The following ITIH5 variants were observed in gnomAD, a reference collection of about 807,000 sequenced individuals.
ITIH5 encodes inter-alpha-trypsin inhibitor heavy chain H5.
A neutral mutation model predicts 77.5 loss-of-function variants in ITIH5; 65 were observed. The observed-to-expected ratio is 0.84, with a 90% CI of 0.69 to 1.03. The LOEUF (loss-of-function observed/expected upper bound fraction) is 1.03. ITIH5 is among the 50% of genes least tolerant of loss of function. The probability of loss-of-function intolerance (pLI) is 0.00; values close to 1 mark genes in which losing one functional copy is unlikely to be tolerated. For synonymous variants in ITIH5, 525 were observed against 494.3 expected, an observed-to-expected ratio of 1.06 and a Z score of -0.82; for missense variants, 1,208 against 1,213.1, an observed-to-expected ratio of 1.00 and a Z score of 0.06.
chr10:7,565,478 T>C (rs1193468083), intron 13 of ITIH5, among the ~76,000 whole-genome samples: 1 of 150,452 alleles, frequency 6.6e-6, no homozygotes, highest in Non-Finnish European at 1.5e-5. Context: ...TATGTACATA[T>C]ACAGACTGAT....
chr10:7,627,429 T>A (rs1053299485), intron 5 of ITIH5, among the ~76,000 whole-genome samples: 7 of 152,144 alleles, frequency 4.6e-5, no homozygotes, highest in African/African-American at 1.7e-4. Context: ...TCGAGGGGAC[T>A]TGACCTTGCG....
intron 7 of ITIH5, among the ~76,000 whole-genome samples, chr10:7,597,636 G>C (rs4749054): frequency 0.23 from 26,850 of 114,690 alleles, 3,144 homozygotes; most frequent in Middle Eastern, 0.36. Context: ...CTGTACCCCA[G>C]AGACACCCGT....
intron 7 of ITIH5, among the ~76,000 whole-genome samples, chr10:7,594,101 A>G (rs1588384052): frequency 6.6e-6 from 1 of 152,254 alleles, no homozygotes; most frequent in Non-Finnish European, 1.5e-5. Context: ...AGAACAGGGT[A>G]AGCACATTCC....
intron 7 of ITIH5, among the ~76,000 whole-genome samples, chr10:7,602,176 C>T (rs1183164585): frequency 2.0e-5 from 3 of 152,100 alleles, no homozygotes; most frequent in Non-Finnish European, 2.9e-5. Flanking sequence ...TTTGGCCTTT[C>T]ATCCTCCCTC....
chr10:7,576,630 G>A lies in ITIH5; in HGVS notation c.1801C>T (p.Leu601=), dbSNP rs1295886974. 2 of 1,614,058 alleles carry A rather than the reference G, an allele frequency of 1.2e-6. No individual in the cohort carries two copies. The highest frequency in any genetic ancestry group is 2.7e-5 in the African/African-American group (2 of 74,952). The change falls in exon 10 of 14, where the codon CTG becomes TTG. Residue 601 remains leucine, a synonymous_variant. Coordinates refer to ENST00000397146, the MANE Select transcript of ITIH5 (RefSeq NM_030569.7). ...GCCAGGGCCTGGGCCCGCTGCCGCA[G>A]CCGCTCCTTCTCCGGTTCATCGTCA... ...QSDDEPEKER[L]RQRAQALAVS... is the part of the protein sequence containing the mutation.
chr10:7,628,530 G>A (rs1194822604), intron 5 of ITIH5, among the ~76,000 whole-genome samples: 1 of 109,844 alleles, frequency 9.1e-6, no homozygotes, highest in Non-Finnish European at 2.4e-5. Flanking sequence ...GTGCATTGTG[G>A]CATGTGTCCA....
intron 7 of ITIH5, among the ~76,000 whole-genome samples, chr10:7,614,117 T>G (rs960916721): frequency 1.3e-5 from 2 of 152,058 alleles, no homozygotes; most frequent in African/African-American, 2.4e-5. Context: ...AAAAGTAAAA[T>G]AAATCATTTT....
chr10:7,652,923 C>T (rs1834123864), intron 2 of ITIH5, among the ~76,000 whole-genome samples: 1 of 151,524 alleles, frequency 6.6e-6, no homozygotes, highest in Non-Finnish European at 1.5e-5. Context: ...CACAGGAGAA[C>T]GACTCTGAAT....
chr10:7,562,642 T>C lies in ITIH5; in HGVS notation c.*441A>G, dbSNP rs191501980. 1 of 187,292 alleles carries C rather than the reference T, an allele frequency of 5.3e-6. No homozygotes were observed. Among genetic ancestry groups the C allele is most frequent in the African/African-American group, 2.3e-5 (1 of 42,984 alleles). The allele number at this position is 187,292 out of a possible 1,614,324, so 11.6% of individuals were successfully genotyped here. On this transcript the variant is annotated 3_prime_UTR_variant, in exon 14 of 14. Coordinates refer to ENST00000397146, the MANE Select transcript of ITIH5 (RefSeq NM_030569.7). ...GCTGCAACACCACTGAAAAGACAGC[T>C]TTCTAAGCATTAGTGTAAGGCAAAA...
In ITIH5 at chr10:7,566,372, C is replaced by G; in HGVS notation, c.2185G>C (p.Ala729Pro). The G allele has an allele frequency of 6.2e-7, 1 of 1,600,434 alleles. No individual in the cohort carries two copies. Among genetic ancestry groups the G allele is most frequent in the East Asian group, 2.2e-5 (1 of 44,478 alleles). The change falls in exon 13 of 14, where the codon GCC (alanine) becomes CCC (proline). Residue 729 changes from alanine (A) to proline (P), a missense_variant. By Grantham distance (27) the Ala-to-Pro change is conservative (BLOSUM62 -1). Transcript: ENST00000397146. ...TGTTTCTTGTGGCCATTTGGAGGGG[C>G]GGGTGCCCCAATTAACTCTCCGTTC... Reference protein sequence around the residue: ...TVNGELIGAPAPPNGHKKQRT... With the variant: ...TVNGELIGAPPPPNGHKKQRT...
At position 7,576,495 on chromosome 10, in the gene ITIH5, C is replaced by G. The variant is rs780892784; in HGVS notation, c.1936G>C (p.Glu646Gln). 2 of 1,609,030 alleles carry G rather than the reference C, an allele frequency of 1.2e-6. No homozygotes were observed. The highest frequency in any genetic ancestry group is 2.2e-5 in the South Asian group (2 of 90,958). ...CCTCGCACGCTCTGCACCACCGGTT[C>G]GGGTCCCATGGCAGCCGACATGCCG... The part of the protein sequence containing the change: ...AHGMSAAMGP[E>Q]PVVQSVRGAG... Residue 646 changes from glutamate to glutamine, a missense_variant, in exon 10 of 14, where the codon GAA becomes CAA. By Grantham distance (29) the Glu-to-Gln change is conservative (BLOSUM62 2). Coordinates refer to ENST00000397146, the MANE Select transcript of ITIH5 (RefSeq NM_030569.7).
At chr10:7,599,862 G>A (rs1303165776) in intron 7 of ITIH5, among the ~76,000 whole-genome samples, 1 of 152,196 alleles carries the variant, frequency 6.6e-6, no homozygotes, top group African/African-American at 2.4e-5. Flanking sequence ...GAGTGACACT[G>A]TTCCTGGGTC....
intron 5 of ITIH5, among the ~76,000 whole-genome samples, chr10:7,625,775 AAG>A (rs1554755450): frequency 1.1e-4 from 12 of 113,334 alleles, no homozygotes; most frequent in South Asian, 5.8e-4. Context: ...AAAAAAAAAA[AAG>A]AAAGAAAGAA....
At chr10:7,581,236 G>A (rs1396713848) in intron 8 of ITIH5, among the ~76,000 whole-genome samples, 2 of 151,670 alleles carry the variant, frequency 1.3e-5, no homozygotes, top group African/African-American at 2.4e-5. Flanking sequence ...CTCCAGCCTG[G>A]GAAACAGAGT....
chr10:7,637,269 G>A lies in ITIH5; in HGVS notation c.611C>T (p.Pro204Leu), dbSNP rs140386874. The A allele has an allele frequency of 9.2e-5, 149 of 1,611,388 alleles. No individual in the cohort carries two copies. The African/African-American group carries it at 1.5e-3, about 16-fold the overall frequency. Residue 204 changes from proline (P) to leucine (L), a missense_variant, in exon 5 of 14, where the codon CCG becomes CTG. Pro to Leu is a moderately conservative substitution (Grantham distance 98). Transcript: ENST00000397146. ...SAGIASLEVL[P>L]LHNSRQRGSG... ...GCCCCTCTGCCTGCTGTTGTGAAGC[G>A]GCAGCACCTCCAGGGATGCGATGCC...
chr10:7,664,844 G>A (rs923693195), intron 1 of ITIH5, among the ~76,000 whole-genome samples: 1 of 152,192 alleles, frequency 6.6e-6, no homozygotes, highest in African/African-American at 2.4e-5. Flanking sequence ...CCCAGGTTCT[G>A]TTCTAAGATT....
In ITIH5 at chr10:7,579,931, C is replaced by T. The variant is rs145737784; in HGVS notation, c.1242G>A (p.Thr414=). The T allele has an allele frequency of 4.3e-4, 693 of 1,614,178 alleles. 3 individuals are homozygous for T. In the African/African-American group the frequency reaches 7.7e-3, roughly 18 times the overall value. ...TGTTGTTGAGGATCTTGAGGGTGTG[C>T]GTCTCCCCGACCGTGGGCTTCCCAT... The part of the protein sequence containing the change: ...LTDGKPTVGE[T]HTLKILNNTR... Residue 414 remains threonine, a synonymous_variant, in exon 9 of 14, where the codon ACG becomes ACA. Transcript: ENST00000397146.
intron 7 of ITIH5, among the ~76,000 whole-genome samples, chr10:7,605,996 C>T (rs1408477239): frequency 1.3e-5 from 2 of 152,174 alleles, no homozygotes; most frequent in Non-Finnish European, 2.9e-5. Context: ...CAGGTGATGC[C>T]GGAGCACCCC....
intron 2 of ITIH5, among the ~76,000 whole-genome samples, chr10:7,644,440 TCA>T (rs1833943807): frequency 6.9e-6 from 1 of 144,746 alleles, no homozygotes; most frequent in Admixed American, 7.1e-5. Flanking sequence ...ATCATATATA[TCA>T]CATATAGATC....
Sources: gnomAD v4.1 joint callset for allele counts (sites outside exome capture counted in the v4.1 genomes callset) on GRCh38, gnomAD v4.1.1 for gene constraint, MANE v1.5 for transcripts, NCBI Gene and HGNC (gene_info 2026-07-23, HGNC 2026-07-21) for gene names.